Variants in DIAPH3 observed in about 807,000 individuals in gnomAD.
DIAPH3 encodes the protein diaphanous related formin 3.
In DIAPH3, 117 loss-of-function variants were observed where a neutral mutation model predicts 144.3. The ratio of observed to expected loss-of-function variants is 0.81; its 90% CI spans 0.70 to 0.95. The LOEUF is 0.95. DIAPH3 is among the 40% of genes least tolerant of loss of function. DIAPH3 has a pLI of 0.00. For synonymous variants in DIAPH3, 519 were observed against 488.9 expected (o/e 1.06, Z -0.81); for missense variants, 1,421 against 1,412.7 (o/e 1.01, Z -0.09).
At chr13:60,025,071 GC>G (rs1438856800) in intron 5 of DIAPH3, among the ~76,000 whole-genome samples, 1 of 152,080 alleles carries the variant, frequency 6.6e-6, no homozygotes, top group African/African-American at 2.4e-5. Flanking sequence ...TACCCACTTT[GC>G]TTTTTGATAG....
At chr13:60,072,992 T>C (rs531558337) in intron 4 of DIAPH3, among the ~76,000 whole-genome samples, 6 of 152,276 alleles carry the variant, frequency 3.9e-5, no homozygotes, top group African/African-American at 1.4e-4. Flanking sequence ...TGATAATATA[T>C]TACTTTTGAA....
chr13:60,101,682 C>G (rs1413527627), intron 3 of DIAPH3, among the ~76,000 whole-genome samples: 2 of 152,202 alleles, frequency 1.3e-5, no homozygotes, highest in African/African-American at 4.8e-5. Context: ...TTCACTTCCA[C>G]TGTCCTCAGC....
intron 4 of DIAPH3, among the ~76,000 whole-genome samples, chr13:60,053,456 A>G (rs890817768): frequency 6.6e-6 from 1 of 152,138 alleles, no homozygotes; most frequent in Non-Finnish European, 1.5e-5. Context: ...ATAGAAAGAA[A>G]AGTACATAGA....
chr13:59,975,456 T>A (rs1489095789), intron 14 of DIAPH3, among the ~76,000 whole-genome samples: 1 of 152,012 alleles, frequency 6.6e-6, no homozygotes, highest in African/African-American at 2.4e-5. Flanking sequence ...CTTCAGAGTC[T>A]AAGTTCAAAT....
chr13:60,132,145 T>C (rs935301847), intron 2 of DIAPH3, among the ~76,000 whole-genome samples: 5 of 152,230 alleles, frequency 3.3e-5, no homozygotes, highest in African/African-American at 1.2e-4. Context: ...AAGTCATTCA[T>C]GTCAAGATCT....
At chr13:59,967,843 C>G (rs1007360847) in intron 17 of DIAPH3, among the ~76,000 whole-genome samples, 1 of 152,056 alleles carries the variant, frequency 6.6e-6, no homozygotes, top group Non-Finnish European at 1.5e-5. Flanking sequence ...TAGCAGGGCT[C>G]GGAGTCACAA....
At chr13:59,744,379 T>C (rs1362034902) in intron 27 of DIAPH3, among the ~76,000 whole-genome samples, 1 of 152,174 alleles carries the variant, frequency 6.6e-6, no homozygotes, top group East Asian at 1.9e-4. Flanking sequence ...CATTAGGGAA[T>C]CAACGATGAA....
At chr13:60,124,810 G>A (rs1363028505) in intron 2 of DIAPH3, among the ~76,000 whole-genome samples, 1 of 151,768 alleles carries the variant, frequency 6.6e-6, no homozygotes, top group Non-Finnish European at 1.5e-5. Context: ...CCACTGCCCT[G>A]GGTGACAAAG....
intron 1 of DIAPH3, among the ~76,000 whole-genome samples, chr13:60,145,323 G>A (rs916419297): frequency 6.6e-6 from 1 of 152,214 alleles, no homozygotes; most frequent in Non-Finnish European, 1.5e-5. Context: ...CCAATTGGAT[G>A]ATTACTAAAT....
chr13:59,972,051 T>G (rs1172407511), intron 15 of DIAPH3, among the ~76,000 whole-genome samples: 1 of 152,174 alleles, frequency 6.6e-6, no homozygotes, highest in Non-Finnish European at 1.5e-5. Flanking sequence ...GCTGATGAGG[T>G]AAGTGACTAT....
chr13:59,712,684 T>C (rs2034814701), intron 27 of DIAPH3, among the ~76,000 whole-genome samples: 1 of 152,212 alleles, frequency 6.6e-6, no homozygotes, highest in Non-Finnish European at 1.5e-5. Context: ...TGTTATTGAC[T>C]TGTCATCCCC....
At chr13:60,136,042 C>T (rs929866750) in intron 1 of DIAPH3, among the ~76,000 whole-genome samples, 1 of 152,108 alleles carries the variant, frequency 6.6e-6, no homozygotes, top group East Asian at 1.9e-4. Context: ...GGCTTATACA[C>T]ATAAAATAGG....
At chr13:59,962,212 CT>C (rs532563476) in intron 17 of DIAPH3, among the ~76,000 whole-genome samples, 1 of 152,164 alleles carries the variant, frequency 6.6e-6, no homozygotes, top group Non-Finnish European at 1.5e-5. Flanking sequence ...AATTCTTAAC[CT>C]TTTTTGCCAA....
intron 27 of DIAPH3, among the ~76,000 whole-genome samples, chr13:59,716,311 G>C (rs1033526649): frequency 2.6e-5 from 4 of 152,116 alleles, no homozygotes; most frequent in Non-Finnish European, 5.9e-5. Context: ...CAGTAGCTGG[G>C]AATACAGGCG....
chr13:60,077,571 C>A (rs2057419145), intron 4 of DIAPH3, among the ~76,000 whole-genome samples: 1 of 152,060 alleles, frequency 6.6e-6, no homozygotes, highest in South Asian at 2.1e-4. Context: ...TTATCAATTT[C>A]AGAGTACTCT....
intron 27 of DIAPH3, among the ~76,000 whole-genome samples, chr13:59,686,616 T>C (rs923688757): frequency 7.9e-5 from 12 of 152,126 alleles, no homozygotes; most frequent in East Asian, 5.8e-4. Context: ...ATTTTTAACA[T>C]ACTTATGTTT....
chr13:59,701,312 C>T (rs2034101080), intron 27 of DIAPH3, among the ~76,000 whole-genome samples: 1 of 152,224 alleles, frequency 6.6e-6, no homozygotes. Flanking sequence ...TAGATGCTCT[C>T]TCGCAAGCCA....
At chr13:59,873,429 G>A (rs147435405) in intron 21 of DIAPH3, among the ~76,000 whole-genome samples, 290 of 152,188 alleles carry the variant, frequency 1.9e-3, no homozygotes, top group African/African-American at 6.4e-3. Context: ...GAGTGTGACA[G>A]GTATGCAAAA....
intron 27 of DIAPH3, among the ~76,000 whole-genome samples, chr13:59,758,547 T>C (rs1239233226): frequency 1.3e-5 from 2 of 152,240 alleles, no homozygotes; most frequent in Non-Finnish European, 2.9e-5. Flanking sequence ...GATCTGGTTA[T>C]ACAGGCAAGC....
Sources: gnomAD v4.1 joint callset for allele counts (sites outside exome capture counted in the v4.1 genomes callset) on GRCh38, gnomAD v4.1.1 for gene constraint, MANE v1.5 for transcripts, NCBI Gene and HGNC (gene_info 2026-07-23, HGNC 2026-07-21) for gene names.